EPHA6: variants seen among roughly 807,000 people sequenced by gnomAD.
The protein encoded by EPHA6 is ephrin type-A receptor 6.
A neutral mutation model predicts 112.0 loss-of-function variants in EPHA6; 50 were observed. That is an observed-to-expected ratio of 0.45 (90% CI 0.36 to 0.56). The LOEUF is 0.56. Ranked by LOEUF, EPHA6 falls within the 20% of genes least tolerant of loss-of-function variation. The pLI is 0.00. For synonymous variants in EPHA6, 529 were observed against 490.7 expected (o/e 1.08, Z -1.03); for missense variants, 1,280 against 1,417.4 (o/e 0.90, Z 1.56).
chr3:97,276,098 G>T (rs968041220), intron 5 of EPHA6, among the ~76,000 whole-genome samples: 1 of 152,112 alleles, frequency 6.6e-6, no homozygotes, highest in Non-Finnish European at 1.5e-5. Flanking sequence ...AGGGAAACAG[G>T]CCCTTGAAAA....
chr3:96,908,557 A>C (rs938498555), intron 2 of EPHA6, among the ~76,000 whole-genome samples: 1 of 151,738 alleles, frequency 6.6e-6, no homozygotes, highest in Non-Finnish European at 1.5e-5. Context: ...ATATGTTTTC[A>C]TATGTTCCCG....
chr3:96,839,796 G>C (rs1446889521), intron 1 of EPHA6, among the ~76,000 whole-genome samples: 1 of 152,016 alleles, frequency 6.6e-6, no homozygotes, highest in African/African-American at 2.4e-5. Context: ...GGTTGTTGAT[G>C]TTGTAGATAC....
At chr3:97,635,355 C>T (rs543586607) in intron 13 of EPHA6, among the ~76,000 whole-genome samples, 1 of 151,952 alleles carries the variant, frequency 6.6e-6, no homozygotes, top group South Asian at 2.1e-4. Flanking sequence ...ATGTTGGTGA[C>T]AAAAATATTT....
chr3:97,033,025 T>G (rs2044932322), intron 3 of EPHA6, among the ~76,000 whole-genome samples: 1 of 150,626 alleles, frequency 6.6e-6, no homozygotes, highest in African/African-American at 2.4e-5. Flanking sequence ...AGTGCTGGAC[T>G]AGGCAATATG....
chr3:96,979,264 T>C (rs542490052), intron 2 of EPHA6, among the ~76,000 whole-genome samples: 15 of 141,658 alleles, frequency 1.1e-4, no homozygotes, highest in Non-Finnish European at 2.1e-4. Context: ...TGTGTTATCA[T>C]TGTTCAATTC....
intron 2 of EPHA6, among the ~76,000 whole-genome samples, chr3:96,901,482 T>C (rs1157774312): frequency 6.6e-6 from 1 of 151,036 alleles, no homozygotes; most frequent in Non-Finnish European, 1.5e-5. Context: ...AAAGATTTTT[T>C]TTTTTTACTT....
chr3:97,695,447 T>A (rs2032970005), intron 14 of EPHA6, among the ~76,000 whole-genome samples: 1 of 152,228 alleles, frequency 6.6e-6, no homozygotes, highest in South Asian at 2.1e-4. Context: ...TGACAGTGAT[T>A]TAGTTCTACT....
chr3:97,551,395 T>C (rs2093026864), intron 11 of EPHA6, among the ~76,000 whole-genome samples: 1 of 152,182 alleles, frequency 6.6e-6, no homozygotes, highest in Admixed American at 6.6e-5. Context: ...CATTGGGTTA[T>C]ATCAATCACT....
chr3:97,446,409 CA>C (rs1424617482), intron 6 of EPHA6, among the ~76,000 whole-genome samples: 1 of 152,118 alleles, frequency 6.6e-6, no homozygotes, highest in Non-Finnish European at 1.5e-5. Flanking sequence ...AAGCTGCCTG[CA>C]AAAGGTGTCC....
At chr3:97,513,834 T>C (rs989684878) in intron 10 of EPHA6, among the ~76,000 whole-genome samples, 14 of 152,148 alleles carry the variant, frequency 9.2e-5, no homozygotes, top group Admixed American at 7.9e-4. Flanking sequence ...CATAAATTTG[T>C]ACAATTATTA....
intron 11 of EPHA6, chr3:97,572,752 G>T (rs142940602): frequency 2.0e-5 from 3 of 152,064 alleles, no homozygotes; most frequent in Non-Finnish European, 4.4e-5. Flanking sequence ...TTTCCCCATT[G>T]TATGCCTACT....
chr3:96,863,129 A>C lies in EPHA6; in HGVS notation c.386-3696A>C, dbSNP rs549944909. Among the ~76,000 whole-genome samples the C allele has an allele frequency of 8.5e-5, 13 of 152,126 alleles. No individual in the cohort carries two copies. The South Asian group carries it at 2.5e-3, about 29-fold the overall frequency. The stretch of plus-strand genomic sequence containing the variant: ...TCTCAATTTATGCTATGAATAAATA[A>C]TTGTATTTTCATTTGTACTCTTTAC... On this transcript the variant is annotated intron_variant, in intron 1 of 17. Transcript: ENST00000389672.
chr3:97,124,573 T>A (rs550930554), intron 3 of EPHA6, among the ~76,000 whole-genome samples: 48 of 152,292 alleles, frequency 3.2e-4, no homozygotes, highest in African/African-American at 1.1e-3. Context: ...CTTCCTCTAA[T>A]ATCTTTTAGA....
At chr3:97,589,458 GATA>G (rs139502297) in intron 11 of EPHA6, among the ~76,000 whole-genome samples, 2 of 151,784 alleles carry the variant, frequency 1.3e-5, no homozygotes, top group East Asian at 1.9e-4. Context: ...AACTTTTTAA[GATA>G]ATAATAATAA....
At chr3:97,572,050 T>C (rs1426324495) in intron 11 of EPHA6, among the ~76,000 whole-genome samples, 4 of 152,202 alleles carry the variant, frequency 2.6e-5, no homozygotes, top group Admixed American at 1.3e-4. Context: ...TATCTTCATC[T>C]TGGCAATTTA....
intron 14 of EPHA6, among the ~76,000 whole-genome samples, chr3:97,697,352 C>T (rs559325081): frequency 6.6e-6 from 1 of 152,200 alleles, no homozygotes; most frequent in African/African-American, 2.4e-5. Context: ...TCTCCTTGGC[C>T]TTTTGGAGCC....
chr3:97,727,858 A>C (rs1182186796), intron 15 of EPHA6, among the ~76,000 whole-genome samples: 1 of 152,084 alleles, frequency 6.6e-6, no homozygotes, highest in Non-Finnish European at 1.5e-5. Flanking sequence ...AATAGGGAAT[A>C]TTACAAGATG....
intron 7 of EPHA6, among the ~76,000 whole-genome samples, chr3:97,452,689 G>A (rs1208320256): frequency 6.6e-6 from 1 of 151,474 alleles, no homozygotes; most frequent in Non-Finnish European, 1.5e-5. Flanking sequence ...TGGAAATTAG[G>A]TGTTAGAAGC....
chr3:97,430,838 C>A (rs905741020), intron 6 of EPHA6, among the ~76,000 whole-genome samples: 1 of 152,086 alleles, frequency 6.6e-6, no homozygotes, highest in Non-Finnish European at 1.5e-5. Context: ...ATTATGTACT[C>A]CTTACTGAGC....
Sources: gnomAD v4.1 joint callset for allele counts (sites outside exome capture counted in the v4.1 genomes callset) on GRCh38, gnomAD v4.1.1 for gene constraint, MANE v1.5 for transcripts, NCBI Gene and HGNC (gene_info 2026-07-23, HGNC 2026-07-21) for gene names.